The following HAUS1 variants were observed in gnomAD, a reference collection of about 807,000 sequenced individuals.
HAUS1 encodes the protein HAUS augmin-like complex subunit 1.
HAUS1 carries 25 observed loss-of-function variants against 38.6 expected under a neutral mutation model. The ratio of observed to expected loss-of-function variants is 0.65; its 90% confidence interval spans 0.47 to 0.91. The LOEUF (loss-of-function observed/expected upper bound fraction) is 0.91. Among genes scored for constraint, HAUS1 ranks in the 40% least tolerant of loss-of-function variants. The pLI, the probability that HAUS1 is intolerant of heterozygous loss-of-function variation, is 0.00. For missense variants in HAUS1, 325 were observed against 328.4 expected (o/e 0.99, Z 0.08); for synonymous variants, 109 against 112.9 (o/e 0.97, Z 0.22).
intron 4 of HAUS1, chr18:46,121,796 C>G (rs1911949640): frequency 6.6e-6 from 1 of 151,946 alleles, no homozygotes; most frequent in Admixed American, 6.6e-5. Flanking sequence ...TTGTTGTAAA[C>G]CTGGGCAGCA....
intron 2 of HAUS1, among the ~76,000 whole-genome samples, chr18:46,106,195 G>T (rs1911473745): frequency 6.6e-6 from 1 of 152,114 alleles, no homozygotes; most frequent in Admixed American, 6.6e-5. Context: ...TCAAGGCCGG[G>T]CACGGTGGCT....
intron 2 of HAUS1, among the ~76,000 whole-genome samples, chr18:46,109,016 T>C (rs938833156): frequency 2.0e-5 from 3 of 147,068 alleles, no homozygotes; most frequent in Non-Finnish European, 4.5e-5. Context: ...GCTTGCAGTA[T>C]GCTGAGATCG....
chr18:46,114,537 T>C (rs1182935517), intron 2 of HAUS1, among the ~76,000 whole-genome samples: 1 of 152,164 alleles, frequency 6.6e-6, no homozygotes, highest in African/African-American at 2.4e-5. Context: ...GCAAGGGCCA[T>C]TGGGACTCCA....
chr18:46,123,635 G>A (rs1054161284), intron 6 of HAUS1, among the ~76,000 whole-genome samples: 7 of 152,082 alleles, frequency 4.6e-5, no homozygotes, highest in Non-Finnish European at 4.4e-5. Flanking sequence ...CAAATTTATT[G>A]AAGGACCATG....
chr18:46,123,406 ACT>A (rs1165243576), intron 6 of HAUS1, 42 bp downstream of exon 6: 3 of 1,291,220 alleles, frequency 2.3e-6, no homozygotes, highest in Admixed American at 1.9e-5. Flanking sequence ...TTAAAATTTT[ACT>A]CCACAGTCTG....
intron 4 of HAUS1, 149 bp from the exon 5 acceptor site, chr18:46,122,318 A>AC: frequency 1.5e-6 from 1 of 685,954 alleles, no homozygotes; most frequent in East Asian, 2.7e-5. Flanking sequence ...AAAAAAAAAA[A>AC]ACCCAGAGTG....
chr18:46,127,992 C>A, intron 8 of HAUS1, 83 bp from the exon 9 acceptor site: 1 of 753,746 alleles, frequency 1.3e-6, no homozygotes, highest in Non-Finnish European at 2.1e-6. Flanking sequence ...TCCTTTTTTG[C>A]TTCCCTTATT....
chr18:46,122,103 A>G (rs1911958121), intron 4 of HAUS1, among the ~76,000 whole-genome samples: 1 of 152,124 alleles, frequency 6.6e-6, no homozygotes, highest in Non-Finnish European at 1.5e-5. Context: ...TGGCCTCCCA[A>G]AATGCTGGGA....
chr18:46,125,033 G>C, intron 7 of HAUS1, 140 bp downstream of exon 7: 1 of 533,268 alleles, frequency 1.9e-6, no homozygotes, highest in Non-Finnish European at 3.4e-6. Context: ...GACAAGGCAG[G>C]CTGATCACCT....
chr18:46,121,225 T>A lies in HAUS1; in HGVS notation c.476+1165T>A, dbSNP rs145484362. 9.5e-4 allele frequency among the ~76,000 whole-genome samples: 145 copies of A among 152,070 alleles called. 1 individual carries two copies. The highest frequency in any genetic ancestry group is 3.3e-3 in the African/African-American group (139 of 41,512). Reference sequence around the variant, plus strand: ...TTTTGTTGAGACAGAGTTTCTCTCTTGTCACCCAGGCTAGAGTGCAATGGC... The same window carrying A: ...TTTTGTTGAGACAGAGTTTCTCTCTAGTCACCCAGGCTAGAGTGCAATGGC... On this transcript the variant is annotated intron_variant, in intron 4 of 8. Coordinates refer to ENST00000282058, the MANE Select transcript of HAUS1 (RefSeq NM_138443.4).
Position 46,120,063 on chromosome 18 carries a change from A to C in HAUS1, c.476+3A>C. ...GTATTAGAAAAATGTCTACAAGAGT[A>C]AGTAATTGAGTTCAGAGTGGTGACA... On this transcript the variant is annotated splice_donor_region_variant and intron_variant, in intron 4 of 8. Coordinates refer to ENST00000282058, the MANE Select transcript of HAUS1 (RefSeq NM_138443.4). 1 of 1,584,960 alleles carries C rather than the reference A, an allele frequency of 6.3e-7. No individual in the cohort carries two copies. The highest frequency in any genetic ancestry group is 1.4e-5 in the African/African-American group (1 of 73,782).
intron 6 of HAUS1, 116 bp downstream of exon 6, chr18:46,123,480 T>A: frequency 1.4e-6 from 1 of 718,680 alleles, no homozygotes; most frequent in Middle Eastern, 3.2e-4. Flanking sequence ...TCTTTTCCTT[T>A]ACCTTTGTAC....
intron 2 of HAUS1, chr18:46,109,541 C>T (rs1484679872): frequency 1.3e-5 from 2 of 151,976 alleles, no homozygotes; most frequent in Non-Finnish European, 2.9e-5. Flanking sequence ...TAGCATAAAG[C>T]TGTTCTCTCC....
chr18:46,118,030 G>T, intron 2 of HAUS1, 151 bp from the exon 3 acceptor site: 2 of 639,354 alleles, frequency 3.1e-6, no homozygotes, highest in African/African-American at 1.8e-5. Flanking sequence ...TTAAGAATAG[G>T]TTGTACTGAT....
chr18:46,121,331 A>T (rs960689855), intron 4 of HAUS1, among the ~76,000 whole-genome samples: 8 of 151,992 alleles, frequency 5.3e-5, no homozygotes, highest in Middle Eastern at 3.5e-3. Flanking sequence ...CTGGGATTAC[A>T]GGCACCTGCC....
intron 2 of HAUS1, among the ~76,000 whole-genome samples, chr18:46,117,550 C>T (rs1029650267): frequency 5.3e-5 from 8 of 151,932 alleles, no homozygotes; most frequent in Non-Finnish European, 1.0e-4. Context: ...CTAAGGGGGC[C>T]GGGTATGGTG....
chr18:46,107,020 A>G (rs576828075), intron 2 of HAUS1, among the ~76,000 whole-genome samples: 4 of 151,938 alleles, frequency 2.6e-5, no homozygotes. Context: ...CTCAACAACA[A>G]AAAAAAATTA....
intron 5 of HAUS1, 48 bp from the exon 6 acceptor site, chr18:46,123,251 A>T: frequency 1.7e-6 from 2 of 1,208,648 alleles, no homozygotes; most frequent in South Asian, 1.3e-5. Flanking sequence ...GATGGTGGTC[A>T]CTTTTCAAAT....
chr18:46,128,318 A>C lies in HAUS1; in HGVS notation c.*193A>C, dbSNP rs1400974341. The C allele has an allele frequency of 2.2e-6, 1 of 447,854 alleles. No individual in the cohort carries two copies. The highest frequency in any genetic ancestry group is 4.0e-6 in the Non-Finnish European group (1 of 247,042). 27.7% of individuals were successfully genotyped at this position (447,854 alleles called of 1,614,324 possible). A position where few individuals can be genotyped will look rare whatever the true frequency, so the allele number is the denominator to read the frequency against. ...CCCAAATACATAGTTTTCATATTAA[A>C]AAGCCTTTTCTCTTACTTTGTTTCT... On this transcript the variant is annotated 3_prime_UTR_variant, in exon 9 of 9. Transcript: ENST00000282058.
Sources: gnomAD v4.1 joint callset for allele counts (sites outside exome capture counted in the v4.1 genomes callset) on GRCh38, gnomAD v4.1.1 for gene constraint, MANE v1.5 for transcripts, NCBI Gene and HGNC (gene_info 2026-07-23, HGNC 2026-07-21) for gene names.